Variants in DNAJC3 observed in about 807,000 individuals in gnomAD.
DNAJC3 encodes the protein DnaJ heat shock protein family (Hsp40) member C3.
DNAJC3 carries 38 observed loss-of-function variants against 68.6 expected under a neutral mutation model. The observed-to-expected ratio is 0.55, with a 90% confidence interval of 0.43 to 0.73. The LOEUF is 0.73. Among genes scored for constraint, DNAJC3 ranks in the 30% least tolerant of loss-of-function variants. DNAJC3 has a pLI of 0.00. For missense variants in DNAJC3, 526 were observed against 591.9 expected, an observed-to-expected ratio of 0.89 and a Z score of 1.16; for synonymous variants, 203 against 204.0, an observed-to-expected ratio of 1.00 and a Z score of 0.04.
At chr13:95,717,711 T>G (rs751896759) in intron 2 of DNAJC3, among the ~76,000 whole-genome samples, 2 of 152,210 alleles carry the variant, frequency 1.3e-5, no homozygotes, top group Non-Finnish European at 2.9e-5. Flanking sequence ...CTGAAGATTT[T>G]ATAAATTCGC....
Position 95,711,417 on chromosome 13 carries a change from G to C in DNAJC3, c.193+2080G>C, listed in dbSNP as rs191197899. ...GAAGCCAAGACTGGAGAATCACTTA[G>C]ACCCAGGGGCCCGGAGGTTGCAGTG... is the stretch of plus-strand genomic sequence containing the variant. On this transcript the variant is annotated intron_variant, in intron 2 of 11. Transcript: ENST00000602402. Among the ~76,000 whole-genome samples, 94 of 151,844 alleles carry C rather than the reference G, an allele frequency of 6.2e-4. 2 individuals are homozygous for C. The East Asian group carries it at 8.9e-3, about 14-fold the overall frequency.
rs1883627501 is a variant in DNAJC3 at position 95,787,206 on chromosome 13, C to CG, written c.1357+52dup. On this transcript the variant is annotated intron_variant, in intron 11 of 11. Coordinates refer to ENST00000602402, the MANE Select transcript of DNAJC3 (RefSeq NM_006260.5). Reference sequence around the variant, plus strand: ...CTCATCCTAGAGGTGGTGTTAGAAGCGAGGGTGGAACATGTGGTGGGTTCT... The same window carrying CG: ...CTCATCCTAGAGGTGGTGTTAGAAGCGGAGGGTGGAACATGTGGTGGGTTCT... The CG allele has an allele frequency of 1.9e-6, 3 of 1,576,584 alleles. No individual in the cohort carries two copies. The East Asian group carries it at 6.7e-5, about 35-fold the overall frequency.
chr13:95,698,674 T>C (rs1388998435), intron 1 of DNAJC3, among the ~76,000 whole-genome samples: 1 of 152,082 alleles, frequency 6.6e-6, no homozygotes, highest in Non-Finnish European at 1.5e-5. Context: ...TCTCCTGGGA[T>C]TGGTTTAAGG....
intron 4 of DNAJC3, among the ~76,000 whole-genome samples, chr13:95,750,592 C>A (rs80167723): frequency 6.6e-6 from 1 of 151,940 alleles, no homozygotes; most frequent in Admixed American, 6.6e-5. Flanking sequence ...TTACTGCAAC[C>A]TCTGCCTCCC....
chr13:95,727,519 A>AAT (rs1275733592), intron 4 of DNAJC3, among the ~76,000 whole-genome samples: 1 of 152,186 alleles, frequency 6.6e-6, no homozygotes, highest in Non-Finnish European at 1.5e-5. Flanking sequence ...ATCTGTCTTT[A>AAT]ATAATCTTTT....
intron 9 of DNAJC3, among the ~76,000 whole-genome samples, chr13:95,768,314 C>T (rs537185428): frequency 2.0e-4 from 30 of 152,200 alleles, no homozygotes; most frequent in South Asian, 8.3e-4. Context: ...CATCTAAATC[C>T]GTGGTTTCCA....
intron 11 of DNAJC3, among the ~76,000 whole-genome samples, chr13:95,787,747 G>A (rs1883648724): frequency 6.6e-6 from 1 of 151,884 alleles, no homozygotes; most frequent in African/African-American, 2.4e-5. Flanking sequence ...TAACTCCTGG[G>A]CTAAAGTGAT....
At chr13:95,785,353 A>G (rs1304384919) in intron 9 of DNAJC3, among the ~76,000 whole-genome samples, 2 of 148,368 alleles carry the variant, frequency 1.3e-5, no homozygotes, top group Non-Finnish European at 3.0e-5. Flanking sequence ...GGGTATGGGG[A>G]GATAATGCGG....
intron 9 of DNAJC3, among the ~76,000 whole-genome samples, chr13:95,780,520 T>G (rs1883420002): frequency 6.6e-6 from 1 of 152,216 alleles, no homozygotes; most frequent in Non-Finnish European, 1.5e-5. Flanking sequence ...CACTATTTGC[T>G]TCCCCCTTCG....
At chr13:95,747,738 C>A (rs1259725585) in intron 4 of DNAJC3, among the ~76,000 whole-genome samples, 1 of 152,106 alleles carries the variant, frequency 6.6e-6, no homozygotes, top group Non-Finnish European at 1.5e-5. Flanking sequence ...AATAAGTAAT[C>A]CAAGTGTAAC....
At chr13:95,760,826 A>G (rs1191537523) in intron 7 of DNAJC3, 28 bp downstream of exon 7, 1 of 1,603,818 alleles carries the variant, frequency 6.2e-7, no homozygotes, top group Non-Finnish European at 8.5e-7. Context: ...CCAACTGTCC[A>G]GCCATTCCTT....
intron 9 of DNAJC3, among the ~76,000 whole-genome samples, chr13:95,784,159 GA>G (rs1484802461): frequency 6.6e-6 from 1 of 152,168 alleles, no homozygotes; most frequent in Non-Finnish European, 1.5e-5. Flanking sequence ...TTATCCTAGT[GA>G]AATGCATTTT....
At position 95,709,352 on chromosome 13, in the gene DNAJC3, A is replaced by G. The variant is rs770813719; in HGVS notation, c.193+15A>G. The G allele has an allele frequency of 2.6e-6, 4 of 1,567,040 alleles. No homozygotes were observed. The Admixed American group carries it at 5.6e-5, about 22-fold the overall frequency. ...TGCTGCCGTAGGTTTGTATCATGGA[A>G]CCAAATCACTCAGTGTCTGTCTTAG... On this transcript the variant is annotated intron_variant, in intron 2 of 11. Transcript: ENST00000602402.
At chr13:95,726,111 T>C (rs1052900081) in intron 4 of DNAJC3, among the ~76,000 whole-genome samples, 3 of 151,950 alleles carry the variant, frequency 2.0e-5, no homozygotes, top group African/African-American at 7.3e-5. Flanking sequence ...TCTTTGCTAT[T>C]GTGAATAGTG....
Position 95,738,032 on chromosome 13 carries a change from T to C in DNAJC3, c.393+12780T>C, listed in dbSNP as rs1276689542. ...ATTCTGGTATGTTGTGTCTTTGTTC[T>C]CGTTGGTTTCAAAGAACATCTTTAT... On this transcript the variant is annotated intron_variant, in intron 4 of 11. Coordinates refer to ENST00000602402, the MANE Select transcript of DNAJC3 (RefSeq NM_006260.5). Among the ~76,000 whole-genome samples, 3 of 142,090 alleles carry C rather than the reference T, an allele frequency of 2.1e-5. No homozygotes were observed. In the Admixed American group the frequency reaches 2.1e-4, roughly 10 times the overall value. 93.2% of individuals were successfully genotyped at this position (142,090 alleles called of 152,430 possible).
At position 95,774,551 on chromosome 13, in the gene DNAJC3, G is replaced by A. The variant is rs527703915; in HGVS notation, c.1075+10598G>A. Among the ~76,000 whole-genome samples, 138 of 152,284 alleles carry A rather than the reference G, an allele frequency of 9.1e-4. 1 individual carries two copies. Among genetic ancestry groups the A allele is most frequent in the Admixed American group, 2.6e-3 (39 of 15,292 alleles). ...TTGTTAGTTTTTCCATCAGGTATAAGGTGAGAGTTGTTAAGATCTTTGATA... is the reference window on the plus strand; with the variant it reads ...TTGTTAGTTTTTCCATCAGGTATAAAGTGAGAGTTGTTAAGATCTTTGATA... On this transcript the variant is annotated intron_variant, in intron 9 of 11. Transcript: ENST00000602402.
intron 4 of DNAJC3, among the ~76,000 whole-genome samples, chr13:95,747,836 G>GA (rs1882350179): frequency 1.4e-5 from 2 of 146,902 alleles, no homozygotes; most frequent in South Asian, 4.2e-4. Flanking sequence ...GGGGTGATAG[G>GA]AAAAAAAGGA....
chr13:95,710,457 G>A (rs966439172), intron 2 of DNAJC3, among the ~76,000 whole-genome samples: 1 of 151,906 alleles, frequency 6.6e-6, no homozygotes, highest in Non-Finnish European at 1.5e-5. Context: ...TCTGAAACTC[G>A]TGGGCTCAAG....
In DNAJC3 at chr13:95,791,670, A is replaced by T. The variant is rs144639812; in HGVS notation, c.*640A>T. 1 of 152,360 alleles carries T rather than the reference A, an allele frequency of 6.6e-6. No individual in the cohort carries two copies. Among genetic ancestry groups the T allele is most frequent in the East Asian group, 1.9e-4 (1 of 5,190 alleles). The allele number at this position is 152,360 out of a possible 1,614,324, so 9.4% of individuals were successfully genotyped here. ...AGGCTTAGACTTTGGATTAATGTTA[A>T]ATGTACATTTTTTTGGTTCAGTACC... On this transcript the variant is annotated 3_prime_UTR_variant, in exon 12 of 12. Coordinates refer to ENST00000602402, the MANE Select transcript of DNAJC3 (RefSeq NM_006260.5).
Sources: allele counts gnomAD v4.1 joint callset (sites outside exome capture counted in the v4.1 genomes callset), GRCh38; gene constraint gnomAD v4.1.1; transcripts MANE v1.5; gene names NCBI Gene and HGNC (gene_info 2026-07-23, HGNC 2026-07-21).